The following GPR89B variants were observed in gnomAD, a reference collection of about 807,000 sequenced individuals.
GPR89B encodes golgi pH regulator B, also known as G protein-coupled receptor 89B.
Under a neutral mutation model 52.4 loss-of-function variants are expected in GPR89B, and 25 were observed. That is an observed-to-expected ratio of 0.48 (90% CI 0.35 to 0.67). The LOEUF (loss-of-function observed/expected upper bound fraction) is 0.67. Among genes scored for constraint, GPR89B ranks in the 30% least tolerant of loss-of-function variants. GPR89B has a pLI of 0.01. For missense variants in GPR89B, 146 were observed against 450.2 expected, an observed-to-expected ratio of 0.32 and a Z score of 6.11; for synonymous variants, 52 against 151.2, an observed-to-expected ratio of 0.34 and a Z score of 4.81.
chr1:148,007,024 A>T, the GPR89B span, among the ~76,000 whole-genome samples: 1 of 149,992 alleles, frequency 6.7e-6, no homozygotes, highest in Non-Finnish European at 1.5e-5. Flanking sequence ...GCCACTTTAC[A>T]GCTTCTCTTT....
At chr1:147,986,142 T>G in intron 10 of GPR89B, 57 bp from the exon 11 acceptor site, 1 of 1,610,074 alleles carries the variant, frequency 6.2e-7, no homozygotes, top group Non-Finnish European at 8.5e-7. Context: ...TCAGTCACTT[T>G]TTGAAATAGT....
At position 147,992,537 on chromosome 1, in the gene GPR89B, T is replaced by C; in HGVS notation, c.1131T>C (p.Asn377=). The change falls in exon 13 of 14, where the codon AAT becomes AAC. Residue 377 remains asparagine, a synonymous_variant. Transcript: ENST00000314163. ...CCATCTCTAGCAGTAAGTCCTCCAA[T>C]GTCATTGTCCTGCTATTAGCACAGA... ...FYAISSSKSS[N]VIVLLLAQIM... The C allele has an allele frequency of 6.2e-7, 1 of 1,611,688 alleles. No individual in the cohort carries two copies. The highest frequency in any genetic ancestry group is 8.5e-7 in the Non-Finnish European group (1 of 1,179,628).
At chr1:147,957,353 GTAA>G (rs1240752038) in intron 7 of GPR89B, among the ~76,000 whole-genome samples, 9 of 151,432 alleles carry the variant, frequency 5.9e-5, no homozygotes, top group African/African-American at 1.9e-4. Context: ...TAAAATAGAG[GTAA>G]TAATAATGAG....
intron 7 of GPR89B, among the ~76,000 whole-genome samples, chr1:147,962,915 C>A (rs1571279519): frequency 2.1e-5 from 3 of 143,582 alleles, no homozygotes; most frequent in South Asian, 2.2e-4. Context: ...AAAATTAAAA[C>A]AGATAATAGA....
At chr1:148,009,133 T>G in the GPR89B span, among the ~76,000 whole-genome samples, 1 of 152,022 alleles carries the variant, frequency 6.6e-6, no homozygotes, top group Non-Finnish European at 1.5e-5. Flanking sequence ...CCCACTGCTG[T>G]CCAGTGTCCC....
chr1:148,013,332 G>T, the GPR89B span, among the ~76,000 whole-genome samples: 18 of 152,108 alleles, frequency 1.2e-4, no homozygotes, highest in Admixed American at 1.2e-3. Flanking sequence ...GCAGGCCTCC[G>T]GCCGCCTTCT....
chr1:147,934,259 G>A (rs1283540655), intron 1 of GPR89B, among the ~76,000 whole-genome samples: 3 of 151,656 alleles, frequency 2.0e-5, no homozygotes, highest in Non-Finnish European at 4.4e-5. Flanking sequence ...TCACTATAAC[G>A]TCTACCTGCC....
At chr1:147,998,502 CT>C (rs2149100755), downstream of GPR89B, among the ~76,000 whole-genome samples, 1 of 152,048 alleles carries the variant, frequency 6.6e-6, no homozygotes, top group Non-Finnish European at 1.5e-5. Context: ...AAAAATACGT[CT>C]GATAACACTA....
Position 147,928,438 on chromosome 1 carries a change from C to T in GPR89B, c.-99C>T, listed in dbSNP as rs587755681. On this transcript the variant is annotated 5_prime_UTR_variant, in exon 1 of 14. Transcript: ENST00000314163. Reference sequence around the variant, plus strand: ...GAGAGCCGCAGTCCCGGCTGCAGCACCTGGGAGAAGGCAGACCGTGTGAGG... The same window carrying T: ...GAGAGCCGCAGTCCCGGCTGCAGCATCTGGGAGAAGGCAGACCGTGTGAGG... 5.4e-4 allele frequency: 785 copies of T among 1,451,360 alleles called. 12 individuals carry two copies. In the South Asian group the frequency reaches 7.2e-3, roughly 13 times the overall value. The allele number at this position is 1,451,360 out of a possible 1,614,324, so 89.9% of individuals were successfully genotyped here.
intron 7 of GPR89B, among the ~76,000 whole-genome samples, chr1:147,956,877 A>G (rs1656157366): frequency 6.6e-6 from 1 of 151,772 alleles, no homozygotes; most frequent in African/African-American, 2.4e-5. Context: ...ATCTGGGATT[A>G]TAGGTGCGCA....
intron 10 of GPR89B, among the ~76,000 whole-genome samples, chr1:147,970,491 ATCTCTCTCTCTCTCTC>A (rs1174595676): frequency 1.0e-4 from 11 of 105,808 alleles, no homozygotes; most frequent in South Asian, 7.5e-4. Flanking sequence ...GTGAGACTCC[ATCTCTCTCTCTCTCTC>A]TCTCTCTCTC....
chr1:148,021,091 C>A, the GPR89B span, among the ~76,000 whole-genome samples: 1 of 152,006 alleles, frequency 6.6e-6, no homozygotes, highest in African/African-American at 2.4e-5. Flanking sequence ...ACCGGCGCGA[C>A]TTTTATCGTC....
chr1:148,006,545 G>A, the GPR89B span, among the ~76,000 whole-genome samples: 39 of 151,944 alleles, frequency 2.6e-4, no homozygotes, highest in Admixed American at 2.4e-3. Context: ...ATAGTATACC[G>A]AACCCTATAT....
intron 5 of GPR89B, among the ~76,000 whole-genome samples, chr1:147,952,459 A>G (rs1655792711): frequency 6.6e-6 from 1 of 151,820 alleles, no homozygotes; most frequent in Non-Finnish European, 1.5e-5. Context: ...AGTGTAGTGG[A>G]AATAGAAAGA....
intron 10 of GPR89B, among the ~76,000 whole-genome samples, chr1:147,977,106 C>T (rs1342377950): frequency 6.6e-6 from 1 of 151,040 alleles, no homozygotes; most frequent in Non-Finnish European, 1.5e-5. Flanking sequence ...TGGTGGCAGG[C>T]GCCTATAGTC....
chr1:147,974,178 T>TTTTTC (rs1657673751), intron 10 of GPR89B, among the ~76,000 whole-genome samples: 7 of 144,842 alleles, frequency 4.8e-5, no homozygotes, highest in African/African-American at 1.8e-4. Context: ...ATATTGAATT[T>TTTTTC]TAAAATAGTT....
At chr1:147,952,000 T>TGTAGAGTGAAGGTAGTTTGTA (rs1553251141) in intron 5 of GPR89B, among the ~76,000 whole-genome samples, 3 of 151,986 alleles carry the variant, frequency 2.0e-5, no homozygotes, top group African/African-American at 7.3e-5. Flanking sequence ...ATGACCATAG[T>TGTAGAGTGAAGGTAGTTTGTA]GTAGAGTGAA....
chr1:147,982,242 A>G (rs1270687853), intron 10 of GPR89B, among the ~76,000 whole-genome samples: 7 of 151,282 alleles, frequency 4.6e-5, no homozygotes, highest in Admixed American at 3.9e-4. Flanking sequence ...TTGTATTTTT[A>G]GTAGAGACAG....
intron 12 of GPR89B, 133 bp from the exon 13 acceptor site, chr1:147,992,369 T>C: frequency 1.4e-6 from 1 of 716,032 alleles, no homozygotes; most frequent in Non-Finnish European, 2.6e-6. Context: ...ATAGTCTTAA[T>C]CATATGAATT....
Sources: allele counts gnomAD v4.1 joint callset (sites outside exome capture counted in the v4.1 genomes callset), GRCh38; gene constraint gnomAD v4.1.1; transcripts MANE v1.5; gene names NCBI Gene and HGNC (gene_info 2026-07-23, HGNC 2026-07-21).